The following ZBTB20 variants were observed in gnomAD, a reference collection of about 807,000 sequenced individuals.
ZBTB20 encodes zinc finger and BTB domain-containing protein 20.
A neutral mutation model predicts 56.9 loss-of-function variants in ZBTB20; 9 were observed. The ratio of observed to expected loss-of-function variants is 0.16; its 90% CI spans 0.10 to 0.28. The LOEUF (loss-of-function observed/expected upper bound fraction) is 0.28. Ranked by LOEUF, ZBTB20 falls within the 10% of genes least tolerant of loss-of-function variation. The probability of loss-of-function intolerance (pLI) is 1.00; values close to 1 mark genes in which losing one functional copy is unlikely to be tolerated. For synonymous variants in ZBTB20, 417 were observed against 420.7 expected (o/e 0.99, Z 0.11); for missense variants, 655 against 1,003.0 (o/e 0.65, Z 4.69).
chr3:114,718,147 AT>A (rs1453490226), intron 5 of ZBTB20, among the ~76,000 whole-genome samples: 1 of 152,100 alleles, frequency 6.6e-6, no homozygotes, highest in Non-Finnish European at 1.5e-5. Flanking sequence ...TCATGGCAAA[AT>A]TTATGAACTA....
intron 5 of ZBTB20, among the ~76,000 whole-genome samples, chr3:114,767,112 T>G (rs182539343): frequency 6.9e-4 from 105 of 152,220 alleles, no homozygotes; most frequent in African/African-American, 2.5e-3. Flanking sequence ...ACAGCTTAAT[T>G]TCACCCATTT....
intron 5 of ZBTB20, among the ~76,000 whole-genome samples, chr3:114,724,542 A>G (rs1033029148): frequency 3.9e-5 from 6 of 152,342 alleles, no homozygotes; most frequent in East Asian, 1.9e-4. Flanking sequence ...ACTGAATTCA[A>G]CTACTAGTTG....
At chr3:115,066,438 G>A (rs2108496376) in intron 2 of ZBTB20, among the ~76,000 whole-genome samples, 1 of 151,970 alleles carries the variant, frequency 6.6e-6, no homozygotes, top group East Asian at 1.9e-4. Context: ...ATTCCTCTTA[G>A]GTTCCTCATA....
chr3:115,123,615 T>G (rs767968914), intron 1 of ZBTB20, among the ~76,000 whole-genome samples: 14 of 152,174 alleles, frequency 9.2e-5, no homozygotes, highest in Non-Finnish European at 1.5e-4. Flanking sequence ...GGGAAGTTCC[T>G]CCAGCCAAAG....
chr3:114,596,575 C>T (rs531491143), intron 6 of ZBTB20, among the ~76,000 whole-genome samples: 24 of 152,068 alleles, frequency 1.6e-4, no homozygotes, highest in Middle Eastern at 3.2e-3. Context: ...CATTTAAGTG[C>T]GGTTATCGAG....
At chr3:114,720,921 T>C (rs191600654) in intron 5 of ZBTB20, among the ~76,000 whole-genome samples, 2 of 152,300 alleles carry the variant, frequency 1.3e-5, no homozygotes, top group Admixed American at 6.5e-5. Flanking sequence ...ATCACTGATA[T>C]GTAGGCTGAC....
At chr3:114,971,377 A>T (rs752559910) in intron 3 of ZBTB20, among the ~76,000 whole-genome samples, 12 of 152,216 alleles carry the variant, frequency 7.9e-5, no homozygotes, top group Non-Finnish European at 1.5e-4. Flanking sequence ...GGGGGGTTCC[A>T]GTCTTTCTCC....
At chr3:115,063,030 G>T (rs2082068272) in intron 2 of ZBTB20, among the ~76,000 whole-genome samples, 1 of 151,946 alleles carries the variant, frequency 6.6e-6, no homozygotes. Flanking sequence ...TTTAAATTTT[G>T]TAACATATAT....
chr3:115,043,624 AATAAAATAAT>A (rs1221845588), intron 2 of ZBTB20, among the ~76,000 whole-genome samples: 5 of 144,246 alleles, frequency 3.5e-5, no homozygotes, highest in African/African-American at 7.5e-5. Context: ...AATAAAATAA[AATAAAATAAT>A]AAAATAAATA....
chr3:114,757,938 T>C (rs1264253339), intron 5 of ZBTB20, among the ~76,000 whole-genome samples: 3 of 152,156 alleles, frequency 2.0e-5, no homozygotes, highest in Non-Finnish European at 4.4e-5. Context: ...GATGTTATAT[T>C]GTTAAAACAT....
chr3:114,520,128 C>G (rs1242002704), intron 6 of ZBTB20: 2 of 151,730 alleles, frequency 1.3e-5, no homozygotes, highest in Non-Finnish European at 2.9e-5. Flanking sequence ...GCTTCCTTCC[C>G]TATGAAAAAG....
chr3:114,429,282 C>G (rs1375404352), intron 7 of ZBTB20, among the ~76,000 whole-genome samples: 1 of 152,136 alleles, frequency 6.6e-6, no homozygotes, highest in Non-Finnish European at 1.5e-5. Context: ...ATCAAGTAGT[C>G]AAACTAATTC....
intron 7 of ZBTB20, among the ~76,000 whole-genome samples, chr3:114,497,572 T>C (rs2043425505): frequency 6.6e-6 from 1 of 152,220 alleles, no homozygotes; most frequent in Non-Finnish European, 1.5e-5. Flanking sequence ...TTTACTCTTC[T>C]GACTTTAAGA....
chr3:114,851,001 C>A (rs2074974959), intron 4 of ZBTB20, among the ~76,000 whole-genome samples: 1 of 152,122 alleles, frequency 6.6e-6, no homozygotes, highest in African/African-American at 2.4e-5. Flanking sequence ...TAAAAAGAAC[C>A]AAGCCCAGAA....
At chr3:114,933,853 C>T (rs1043189445) in intron 3 of ZBTB20, among the ~76,000 whole-genome samples, 19 of 152,134 alleles carry the variant, frequency 1.2e-4, no homozygotes, top group African/African-American at 4.6e-4. Flanking sequence ...TTTATTAAAT[C>T]TTCTATTCCA....
chr3:115,117,224 T>C (rs1046854677), intron 1 of ZBTB20, among the ~76,000 whole-genome samples: 1 of 152,164 alleles, frequency 6.6e-6, no homozygotes, highest in Non-Finnish European at 1.5e-5. Flanking sequence ...TTTTTATATT[T>C]ATATCTAAGC....
intron 3 of ZBTB20, among the ~76,000 whole-genome samples, chr3:114,969,319 C>T (rs1046847261): frequency 6.6e-6 from 1 of 152,076 alleles, no homozygotes; most frequent in Non-Finnish European, 1.5e-5. Flanking sequence ...AGAGAAAAAT[C>T]CCTAAAAATG....
intron 4 of ZBTB20, among the ~76,000 whole-genome samples, chr3:114,853,455 T>G (rs1317346021): frequency 6.6e-6 from 1 of 152,244 alleles, no homozygotes; most frequent in Non-Finnish European, 1.5e-5. Flanking sequence ...CAGCAACATA[T>G]GCGACAGTGT....
chr3:114,532,759 G>A (rs1479523450), intron 6 of ZBTB20, among the ~76,000 whole-genome samples: 1 of 152,176 alleles, frequency 6.6e-6, no homozygotes, highest in African/African-American at 2.4e-5. Flanking sequence ...CATCTGGTGG[G>A]TGCCCCTCTG....
Sources: gnomAD v4.1 joint callset for allele counts (sites outside exome capture counted in the v4.1 genomes callset) on GRCh38, gnomAD v4.1.1 for gene constraint, MANE v1.5 for transcripts, NCBI Gene and HGNC (gene_info 2026-07-23, HGNC 2026-07-21) for gene names.